COL23A1: variants seen among roughly 807,000 people sequenced by gnomAD.
COL23A1 encodes collagen alpha-1(XXIII) chain.
In COL23A1, 97 loss-of-function variants were observed where a neutral mutation model predicts 99.3. The ratio of observed to expected loss-of-function variants is 0.98; its 90% confidence interval spans 0.83 to 1.16. The LOEUF (loss-of-function observed/expected upper bound fraction) is 1.16, where lower values mean the gene tolerates loss of function less well. COL23A1 is among the 50% of genes most tolerant of loss of function. The pLI, the probability that COL23A1 is intolerant of heterozygous loss-of-function variation, is 0.00. For missense variants in COL23A1, 762 were observed against 757.4 expected, an observed-to-expected ratio of 1.01 and a Z score of -0.07; for synonymous variants, 320 against 308.2, an observed-to-expected ratio of 1.04 and a Z score of -0.40.
chr5:178,263,970 T>C (rs962466132), intron 8 of COL23A1, among the ~76,000 whole-genome samples: 3 of 152,170 alleles, frequency 2.0e-5, no homozygotes, highest in Admixed American at 6.5e-5. Context: ...AGCTTAATAC[T>C]GTGTGGCTGT....
At chr5:178,376,172 G>C (rs1327149722) in intron 2 of COL23A1, among the ~76,000 whole-genome samples, 1 of 152,198 alleles carries the variant, frequency 6.6e-6, no homozygotes, top group South Asian at 2.1e-4. Context: ...CATAGCACTT[G>C]TCATCTTCTA....
chr5:178,459,221 G>A (rs1755979485), intron 2 of COL23A1, among the ~76,000 whole-genome samples: 1 of 151,198 alleles, frequency 6.6e-6, no homozygotes, highest in African/African-American at 2.4e-5. Flanking sequence ...TTGTTTACGT[G>A]TAATAAATGG....
At chr5:178,565,961 CAAAAAAA>C (rs555054624) in intron 1 of COL23A1, among the ~76,000 whole-genome samples, 1 of 98,390 alleles carries the variant, frequency 1.0e-5, no homozygotes, top group Non-Finnish European at 2.4e-5. Flanking sequence ...AAAAAAAATA[CAAAAAAA>C]AAAAAAAAAA....
At chr5:178,251,941 T>A (rs1458758133) in intron 17 of COL23A1, among the ~76,000 whole-genome samples, 5 of 151,290 alleles carry the variant, frequency 3.3e-5, no homozygotes, top group Non-Finnish European at 7.4e-5. Context: ...GAGACAGAGT[T>A]TTGCTCTTGT....
At chr5:178,257,349 C>T (rs901869740) in intron 13 of COL23A1, among the ~76,000 whole-genome samples, 174 bp downstream of exon 13, 2 of 152,128 alleles carry the variant, frequency 1.3e-5, no homozygotes, top group African/African-American at 2.4e-5. Flanking sequence ...CCGGGTGAGA[C>T]GCTGGGCCTG....
intron 2 of COL23A1, among the ~76,000 whole-genome samples, chr5:178,376,593 T>C (rs1763082989): frequency 6.6e-6 from 1 of 152,244 alleles, no homozygotes; most frequent in Admixed American, 6.5e-5. Context: ...CCACCTGTAA[T>C]TCTCAAGCAA....
Position 178,566,200 on chromosome 5 carries a change from T to C in COL23A1, c.295-5452A>G, listed in dbSNP as rs138015696. ...CATACATAACTCAGATAGAAACCAGTACAGTGTCTGCAAAAGGGTGGGAGA... is the reference window on the plus strand; with the variant it reads ...CATACATAACTCAGATAGAAACCAGCACAGTGTCTGCAAAAGGGTGGGAGA... On this transcript the variant is annotated intron_variant, in intron 1 of 28. Transcript: ENST00000390654. 1.3e-3 allele frequency among the ~76,000 whole-genome samples: 195 copies of C among 152,174 alleles called. 1 individual carries two copies. Among genetic ancestry groups the C allele is most frequent in the African/African-American group, 4.5e-3 (186 of 41,526 alleles).
At chr5:178,587,317 G>A (rs915748701) in intron 1 of COL23A1, among the ~76,000 whole-genome samples, 1 of 152,146 alleles carries the variant, frequency 6.6e-6, no homozygotes, top group African/African-American at 2.4e-5. Context: ...ATCATGAGTT[G>A]ACATGAATAT....
chr5:178,509,643 T>C (rs1759089225), intron 2 of COL23A1, among the ~76,000 whole-genome samples: 1 of 152,094 alleles, frequency 6.6e-6, no homozygotes, highest in South Asian at 2.1e-4. Flanking sequence ...CTTTCCCACC[T>C]CCGCACCACT....
At chr5:178,518,485 G>A (rs567328716) in intron 2 of COL23A1, among the ~76,000 whole-genome samples, 137 of 146,370 alleles carry the variant, frequency 9.4e-4, no homozygotes, top group Middle Eastern at 3.7e-3. Context: ...GGGCAGAGGC[G>A]CCCCTCACCT....
At chr5:178,278,689 A>G (rs777937218) in intron 5 of COL23A1, among the ~76,000 whole-genome samples, 1 of 152,076 alleles carries the variant, frequency 6.6e-6, no homozygotes, top group Non-Finnish European at 1.5e-5. Flanking sequence ...CCTGCCCCAC[A>G]TACCCATCCT....
At chr5:178,401,259 G>C (rs1764433684) in intron 2 of COL23A1, among the ~76,000 whole-genome samples, 1 of 152,202 alleles carries the variant, frequency 6.6e-6, no homozygotes, top group South Asian at 2.1e-4. Flanking sequence ...TCCATTGATG[G>C]ACATTGGGTC....
At chr5:178,392,966 T>C (rs1764044977) in intron 2 of COL23A1, among the ~76,000 whole-genome samples, 1 of 152,196 alleles carries the variant, frequency 6.6e-6, no homozygotes, top group Admixed American at 6.5e-5. Flanking sequence ...CCTCCCTCAC[T>C]GGGTGCTCAA....
In COL23A1 at chr5:178,307,114, C is replaced by T. The variant is rs533748950; in HGVS notation, c.362-195G>A. 2.0e-4 allele frequency among the ~76,000 whole-genome samples: 30 copies of T among 152,210 alleles called. No homozygotes were observed. Among genetic ancestry groups the T allele is most frequent in the African/African-American group, 6.3e-4 (26 of 41,532 alleles). ...CCTTCTGCCACTACCTCGCCTGTTCCGCCAACCCCCCTCCCCAGGTGGCCG... is the reference window on the plus strand; with the variant it reads ...CCTTCTGCCACTACCTCGCCTGTTCTGCCAACCCCCCTCCCCAGGTGGCCG... On this transcript the variant is annotated intron_variant, in intron 2 of 28. Transcript: ENST00000390654. The surrounding 1 kb of genome is among the most constrained non-coding windows in gnomAD (Gnocchi z 4.2).
chr5:178,464,423 T>A (rs557522972), intron 2 of COL23A1, among the ~76,000 whole-genome samples: 1 of 152,226 alleles, frequency 6.6e-6, no homozygotes. Flanking sequence ...TTCCATCATA[T>A]GCATATACCA....
intron 2 of COL23A1, among the ~76,000 whole-genome samples, chr5:178,465,489 C>T (rs574869953): frequency 6.6e-6 from 1 of 152,332 alleles, no homozygotes; most frequent in East Asian, 1.9e-4. Context: ...GATAACCCCT[C>T]TGACATGGGC....
intron 2 of COL23A1, among the ~76,000 whole-genome samples, chr5:178,532,322 C>T (rs182493081): frequency 1.3e-5 from 2 of 152,260 alleles, no homozygotes; most frequent in African/African-American, 4.8e-5. Context: ...TGGCTGAAAA[C>T]CTGGGGATGG....
chr5:178,266,960 G>A (rs192205134), intron 8 of COL23A1, among the ~76,000 whole-genome samples: 67 of 152,372 alleles, frequency 4.4e-4, no homozygotes, highest in African/African-American at 1.6e-3. Flanking sequence ...TGAGCTTTGA[G>A]CTCAGTTCTG....
At chr5:178,351,664 T>A (rs1396684795) in intron 2 of COL23A1, among the ~76,000 whole-genome samples, 1 of 152,098 alleles carries the variant, frequency 6.6e-6, no homozygotes, top group Non-Finnish European at 1.5e-5. Flanking sequence ...TCAGATTGGA[T>A]CCTGCTGGGG....
Sources: gnomAD v4.1 joint callset for allele counts (sites outside exome capture counted in the v4.1 genomes callset) on GRCh38, gnomAD v4.1.1 for gene constraint, Gnocchi (gnomAD v3.1) non-coding constraint, MANE v1.5 for transcripts, NCBI Gene and HGNC (gene_info 2026-07-23, HGNC 2026-07-21) for gene names.